The following ITPR2 variants were observed in gnomAD, a reference collection of about 807,000 sequenced individuals.
ITPR2 encodes the protein inositol 1,4,5-trisphosphate receptor type 2.
Under a neutral mutation model 317.1 loss-of-function variants are expected in ITPR2, and 207 were observed. That is an observed-to-expected ratio of 0.65 (90% CI 0.58 to 0.73). The LOEUF is 0.73. Ranked by LOEUF, ITPR2 falls within the 30% of genes least tolerant of loss-of-function variation. The pLI is 0.00. For missense variants in ITPR2, 2,613 were observed against 3,284.0 expected, an observed-to-expected ratio of 0.80 and a Z score of 4.99; for synonymous variants, 1,156 against 1,149.1, an observed-to-expected ratio of 1.01 and a Z score of -0.12.
intron 21 of ITPR2, among the ~76,000 whole-genome samples, chr12:26,641,433 T>C (rs546409062): frequency 8.8e-6 from 1 of 113,056 alleles, no homozygotes; most frequent in Non-Finnish European, 1.8e-5. Flanking sequence ...GAATATCAAC[T>C]GTAAAGCTGT....
chr12:26,476,949 G>C lies in ITPR2; in HGVS notation c.6182C>G (p.Ala2061Gly). The C allele has an allele frequency of 6.2e-7, 1 of 1,613,140 alleles. No individual in the cohort carries two copies. ...TCTCATGTTAAAAAGAATTCTTTCT[G>C]CATTCTCACTGTCATGTCTGCTTTC... ...IMESRHDSEN[A>G]ERILFNMRPR... The change falls in exon 44 of 57, where the codon GCA becomes GGA. Residue 2061 changes from alanine to glycine, a missense_variant. Physicochemically the swap from Ala to Gly is moderately conservative, Grantham distance 60. Coordinates refer to ENST00000381340, the MANE Select transcript of ITPR2 (RefSeq NM_002223.4).
At chr12:26,348,460 A>C (rs1218935121) in intron 55 of ITPR2, among the ~76,000 whole-genome samples, 2 of 152,190 alleles carry the variant, frequency 1.3e-5, no homozygotes, top group Non-Finnish European at 2.9e-5. Context: ...TATCTCAAAA[A>C]ATTAGGAGAT....
intron 37 of ITPR2, among the ~76,000 whole-genome samples, chr12:26,529,055 C>T (rs61920291): frequency 0.15 from 23,081 of 152,200 alleles, 2,400 homozygotes; most frequent in Non-Finnish European, 0.23. Context: ...TCTAAGCCTC[C>T]ATCATGTCTC....
intron 2 of ITPR2, among the ~76,000 whole-genome samples, chr12:26,764,583 G>A (rs1432464013): frequency 1.3e-5 from 2 of 151,958 alleles, no homozygotes; most frequent in Non-Finnish European, 2.9e-5. Flanking sequence ...AAACCTGCAT[G>A]TTCTGCACAT....
At chr12:26,386,578 T>C (rs987710800) in intron 55 of ITPR2, among the ~76,000 whole-genome samples, 2 of 152,088 alleles carry the variant, frequency 1.3e-5, no homozygotes, top group Admixed American at 6.5e-5. Flanking sequence ...GCTTATTAAG[T>C]GTTTTCCTTA....
At chr12:26,608,611 A>C (rs1946192898) in intron 26 of ITPR2, among the ~76,000 whole-genome samples, 1 of 149,552 alleles carries the variant, frequency 6.7e-6, no homozygotes, top group African/African-American at 2.5e-5. Flanking sequence ...TGGCCGCCCC[A>C]CTGTCTGGGA....
intron 37 of ITPR2, among the ~76,000 whole-genome samples, chr12:26,537,744 G>A (rs964747102): frequency 1.3e-5 from 2 of 152,052 alleles, no homozygotes; most frequent in African/African-American, 4.8e-5. Context: ...AAGTAATATA[G>A]TCTATATTGA....
At chr12:26,470,058 C>A (rs1942261839) in intron 45 of ITPR2, among the ~76,000 whole-genome samples, 1 of 152,166 alleles carries the variant, frequency 6.6e-6, no homozygotes. Flanking sequence ...ACCTCACCAG[C>A]CCCTAGATCA....
chr12:26,572,996 CATTTATTTATTT>C (rs369855705), intron 34 of ITPR2, among the ~76,000 whole-genome samples: 221 of 149,590 alleles, frequency 1.5e-3, no homozygotes, highest in Admixed American at 7.1e-3. Flanking sequence ...ACTTGGATTT[CATTTATTTATTT>C]ATTTATTTAT....
chr12:26,731,310 G>T (rs1264422539), intron 2 of ITPR2, among the ~76,000 whole-genome samples: 3 of 152,188 alleles, frequency 2.0e-5, no homozygotes, highest in African/African-American at 7.2e-5. Context: ...AGAAAGGTGG[G>T]GAGGGAAAGC....
At chr12:26,509,198 A>C (rs2136910145) in intron 37 of ITPR2, among the ~76,000 whole-genome samples, 1 of 152,328 alleles carries the variant, frequency 6.6e-6, no homozygotes, top group South Asian at 2.1e-4. Flanking sequence ...AAATTCATAG[A>C]GACAAAAAGA....
At position 26,551,038 on chromosome 12, in the gene ITPR2, C is replaced by T. The variant is rs550626294; in HGVS notation, c.4965-683G>A. Reference sequence around the variant, plus strand: ...AGAAGAGTTTCAAGATCACCATCCCCAAGAACTTAAAATCAAATAAAATGT... The same window carrying T: ...AGAAGAGTTTCAAGATCACCATCCCTAAGAACTTAAAATCAAATAAAATGT... On this transcript the variant is annotated intron_variant, in intron 36 of 56. Coordinates refer to ENST00000381340, the MANE Select transcript of ITPR2 (RefSeq NM_002223.4). Among the ~76,000 whole-genome samples, 387 of 152,280 alleles carry T rather than the reference C, an allele frequency of 2.5e-3. 1 individual carries two copies. Among genetic ancestry groups the T allele is most frequent in the Non-Finnish European group, 4.6e-3 (310 of 68,020 alleles).
chr12:26,524,880 C>T (rs989064921), intron 37 of ITPR2, among the ~76,000 whole-genome samples: 1 of 152,128 alleles, frequency 6.6e-6, no homozygotes, highest in African/African-American at 2.4e-5. Flanking sequence ...GTGACTGTTA[C>T]TGTAACAAGA....
intron 9 of ITPR2, among the ~76,000 whole-genome samples, chr12:26,703,655 A>C (rs987592598): frequency 5.9e-5 from 9 of 152,200 alleles, no homozygotes; most frequent in Non-Finnish European, 1.3e-4. Context: ...TAATACTTTC[A>C]TTATATCGGT....
intron 30 of ITPR2, among the ~76,000 whole-genome samples, chr12:26,598,052 C>T (rs928096921): frequency 2.0e-5 from 3 of 152,150 alleles, no homozygotes; most frequent in Non-Finnish European, 4.4e-5. Flanking sequence ...AAACACTTCA[C>T]CCAACAGTAT....
rs145150437 is a variant in ITPR2 at position 26,776,398 on chromosome 12, G to A, written c.163+13759C>T. 7.3e-3 allele frequency among the ~76,000 whole-genome samples: 1,105 copies of A among 152,292 alleles called. 18 individuals carry two copies. The highest frequency in any genetic ancestry group is 0.025 in the African/African-American group (1,026 of 41,558). ...GAAGCAGCTACGGAGCCTCAAATCT[G>A]CTAAGACTGCCCTGAGTGAGAGTCT... On this transcript the variant is annotated intron_variant, in intron 2 of 56. Coordinates refer to ENST00000381340, the MANE Select transcript of ITPR2 (RefSeq NM_002223.4).
At chr12:26,348,370 C>T (rs1372839853) in intron 55 of ITPR2, among the ~76,000 whole-genome samples, 1 of 152,188 alleles carries the variant, frequency 6.6e-6, no homozygotes, top group Non-Finnish European at 1.5e-5. Context: ...TACCCCAGCA[C>T]CTCTGCTCGA....
At chr12:26,783,831 T>C (rs7315217) in intron 2 of ITPR2, among the ~76,000 whole-genome samples, 55,678 of 151,982 alleles carry the variant, frequency 0.37, 12,682 homozygotes, top group Non-Finnish European at 0.53. Context: ...ACACAAGGCA[T>C]ATTCTATAAA....
intron 55 of ITPR2, among the ~76,000 whole-genome samples, chr12:26,383,068 C>T (rs896832410): frequency 2.0e-5 from 3 of 152,100 alleles, no homozygotes; most frequent in African/African-American, 7.2e-5. Context: ...TTGGTACCCT[C>T]CCTACAGTAA....
Sources: gnomAD v4.1 joint callset for allele counts (sites outside exome capture counted in the v4.1 genomes callset) on GRCh38, gnomAD v4.1.1 for gene constraint, MANE v1.5 for transcripts, NCBI Gene and HGNC (gene_info 2026-07-23, HGNC 2026-07-21) for gene names.